Variants in MLIP observed in about 807,000 individuals in gnomAD.
The protein encoded by MLIP is muscular LMNA-interacting protein.
A neutral mutation model predicts 84.8 loss-of-function variants in MLIP; 79 were observed. The ratio of observed to expected loss-of-function variants is 0.93; its 90% confidence interval spans 0.78 to 1.12. The LOEUF is 1.12. Among genes scored for constraint, MLIP ranks in the 50% most tolerant of loss-of-function variants. The pLI is 0.00. For synonymous variants in MLIP, 504 were observed against 463.0 expected (o/e 1.09, Z -1.14); for missense variants, 1,257 against 1,160.6 (o/e 1.08, Z -1.21).
intron 11 of MLIP, among the ~76,000 whole-genome samples, chr6:54,223,752 T>A (rs1282451637): frequency 6.6e-6 from 1 of 152,098 alleles, no homozygotes; most frequent in African/African-American, 2.4e-5. Context: ...GATCTTTCTA[T>A]AATAAGCTTA....
chr6:54,217,269 A>T (rs1779918927), intron 11 of MLIP: 1 of 985,294 alleles, frequency 1.0e-6, no homozygotes, highest in African/African-American at 1.7e-5. Context: ...AAAGGAAGTG[A>T]CTTTAAAATG....
At chr6:54,239,283 C>T (rs989140854) in intron 12 of MLIP, among the ~76,000 whole-genome samples, 1 of 150,852 alleles carries the variant, frequency 6.6e-6, no homozygotes, top group Non-Finnish European at 1.5e-5. Context: ...CCTTTAAGAT[C>T]TCTCACATAG....
chr6:54,257,049 T>C (rs1479956033), intron 12 of MLIP, among the ~76,000 whole-genome samples: 1 of 152,116 alleles, frequency 6.6e-6, no homozygotes, highest in Admixed American at 6.6e-5. Flanking sequence ...CTATGCTATA[T>C]GCTAAGCACT....
intron 11 of MLIP, among the ~76,000 whole-genome samples, chr6:54,206,937 C>T (rs1303649862): frequency 6.6e-6 from 1 of 152,170 alleles, no homozygotes; most frequent in East Asian, 1.9e-4. Context: ...ATTCTTCTGT[C>T]ATAAAATCAT....
chr6:54,192,541 A>G (rs898449283), intron 10 of MLIP, among the ~76,000 whole-genome samples: 3 of 151,938 alleles, frequency 2.0e-5, no homozygotes, highest in African/African-American at 7.2e-5. Context: ...AATTTTCAAT[A>G]TTTGCCATCA....
At position 54,151,563 on chromosome 6, in the gene MLIP, G is replaced by T. The variant is rs1773446608; in HGVS notation, c.2289+2436G>T. On this transcript the variant is annotated intron_variant, in intron 5 of 13. Transcript: ENST00000502396. ...ACAGAAGGTTTTCTGAGATCCCTTT[G>T]ATATCACACAGAACACCACAATTCA... Among the ~76,000 whole-genome samples, 3 of 152,158 alleles carry T rather than the reference G, an allele frequency of 2.0e-5. No individual in the cohort carries two copies. In the South Asian group the frequency reaches 6.2e-4, roughly 32 times the overall value.
intron 3 of MLIP, 45 bp downstream of exon 3, chr6:54,124,910 T>C (rs775767996): frequency 6.6e-7 from 1 of 1,512,646 alleles, no homozygotes; most frequent in East Asian, 2.3e-5. Flanking sequence ...AAAAAGCGTT[T>C]ATGCACCCTT....
intron 1 of MLIP, among the ~76,000 whole-genome samples, chr6:54,021,726 T>G (rs1763509305): frequency 6.6e-6 from 1 of 152,210 alleles, no homozygotes; most frequent in Non-Finnish European, 1.5e-5. Context: ...AAGGTGACTC[T>G]TTTACATCTA....
intron 1 of MLIP, among the ~76,000 whole-genome samples, chr6:54,036,044 G>A (rs568020991): frequency 1.3e-5 from 2 of 151,826 alleles, no homozygotes; most frequent in South Asian, 4.2e-4. Flanking sequence ...ACTCTTCACT[G>A]AGTCCTAGGT....
At position 54,103,761 on chromosome 6, in the gene MLIP, C is replaced by T. The variant is rs759138984; in HGVS notation, c.64-17686C>T. 5.9e-5 allele frequency among the ~76,000 whole-genome samples: 9 copies of T among 152,030 alleles called. 1 individual carries two copies. Among genetic ancestry groups the T allele is most frequent in the East Asian group, 1.9e-4 (1 of 5,188 alleles). ...CTAAGATTAAATATGAAACATGTAT[C>T]GTAAGTAGTAGTTCTTTTCTTGGTA... is the stretch of plus-strand genomic sequence containing the variant. On this transcript the variant is annotated intron_variant, in intron 1 of 12. Transcript: ENST00000274897.
intron 1 of MLIP, among the ~76,000 whole-genome samples, chr6:54,065,170 T>G (rs1314875447): frequency 9.9e-6 from 1 of 100,870 alleles, no homozygotes; most frequent in Non-Finnish European, 2.9e-5. Context: ...GGTTTTCTTA[T>G]CTGAATGGAG....
chr6:54,020,378 A>G (rs1480818207), intron 1 of MLIP, among the ~76,000 whole-genome samples: 3 of 152,244 alleles, frequency 2.0e-5, no homozygotes, highest in Non-Finnish European at 4.4e-5. Context: ...ATGGAAAGAA[A>G]AAAGTTAAAA....
intron 13 of MLIP, among the ~76,000 whole-genome samples, chr6:54,264,038 T>G (rs995056229): frequency 2.0e-5 from 3 of 152,060 alleles, no homozygotes; most frequent in African/African-American, 7.2e-5. Flanking sequence ...GTAGCTGTCA[T>G]AGCATAGTAC....
At chr6:54,228,178 C>A (rs1399273483) in intron 11 of MLIP, among the ~76,000 whole-genome samples, 1 of 33,018 alleles carries the variant, frequency 3.0e-5, no homozygotes, top group South Asian at 2.3e-3. Flanking sequence ...GGGAGACTGT[C>A]TCAAAAAAAA....
chr6:54,163,811 T>G (rs1348896294), intron 8 of MLIP, among the ~76,000 whole-genome samples: 1 of 151,974 alleles, frequency 6.6e-6, no homozygotes, highest in Non-Finnish European at 1.5e-5. Flanking sequence ...CTGGATTTAT[T>G]GTTTTTCCTG....
upstream of MLIP, among the ~76,000 whole-genome samples, chr6:54,107,276 G>A (rs1769085388): frequency 6.6e-6 from 1 of 152,160 alleles, no homozygotes; most frequent in African/African-American, 2.4e-5. Flanking sequence ...ACCTATAGCA[G>A]TATATTACTT....
In MLIP at chr6:54,068,382, C is replaced by G. The variant is rs1481875647; in HGVS notation, c.63+49291C>G. On this transcript the variant is annotated intron_variant, in intron 1 of 12. Transcript: ENST00000274897. ...GAACTCCTGACCTCAAGTGATCCAC[C>G]CACCTCAGCCTCCCAAAGTTCTGTC... Among the ~76,000 whole-genome samples the G allele has an allele frequency of 1.8e-4, 18 of 97,920 alleles. 7 individuals are homozygous for G. Among genetic ancestry groups the G allele is most frequent in the Non-Finnish European group, 3.2e-4 (11 of 34,142 alleles). The allele number at this position is 97,920 out of a possible 152,430, so 64.2% of individuals were successfully genotyped here.
chr6:54,247,542 T>C (rs1209100438), intron 12 of MLIP, among the ~76,000 whole-genome samples: 4 of 152,092 alleles, frequency 2.6e-5, no homozygotes, highest in Non-Finnish European at 5.9e-5. Context: ...CTGGGTGTAC[T>C]GACAGTTTAA....
chr6:54,117,077 G>A (rs982910124), intron 1 of MLIP, among the ~76,000 whole-genome samples: 1 of 152,042 alleles, frequency 6.6e-6, no homozygotes, highest in Admixed American at 6.5e-5. Flanking sequence ...AACAAATTAG[G>A]TATAGACAGA....
Sources: allele counts gnomAD v4.1 joint callset (sites outside exome capture counted in the v4.1 genomes callset), GRCh38; gene constraint gnomAD v4.1.1; transcripts MANE v1.5; gene names NCBI Gene and HGNC (gene_info 2026-07-23, HGNC 2026-07-21).